The following CD101 variants were observed in gnomAD, a reference collection of about 807,000 sequenced individuals.
CD101 encodes the protein immunoglobulin superfamily member 2.
Under a neutral mutation model 98.2 loss-of-function variants are expected in CD101, and 76 were observed. That is an observed-to-expected ratio of 0.77 (90% CI 0.64 to 0.94). The LOEUF (loss-of-function observed/expected upper bound fraction) is 0.94, where lower values mean the gene tolerates loss of function less well. Ranked by LOEUF, CD101 falls within the 40% of genes least tolerant of loss-of-function variation. CD101 has a pLI of 0.00. For missense variants in CD101, 1,145 were observed against 1,218.8 expected, an observed-to-expected ratio of 0.94 and a Z score of 0.90; for synonymous variants, 471 against 472.7, an observed-to-expected ratio of 1.00 and a Z score of 0.05.
chr1:117,011,950 G>C lies in CD101; in HGVS notation c.825G>C (p.Leu275=), dbSNP rs1297257448. 7 of 1,612,160 alleles carry C rather than the reference G, an allele frequency of 4.3e-6. No homozygotes were observed. The Admixed American group carries it at 1.2e-4, about 27-fold the overall frequency. ...ITKKQTDQTT[L]RIQPAVKDFQ... ...AAAAGCAGACCGATCAAACCACTCT[G>C]AGGATCCAGCCAGCAGGTAATTATC... The change falls in exon 3 of 10, where the codon CTG becomes CTC. Residue 275 remains leucine (L), a synonymous_variant. Coordinates refer to ENST00000682167, the MANE Select transcript of CD101 (RefSeq NM_001256106.3).
intron 4 of CD101, 95 bp downstream of exon 4, chr1:117,013,887 G>A: frequency 1.5e-6 from 2 of 1,331,728 alleles, no homozygotes; most frequent in Non-Finnish European, 2.0e-6. Flanking sequence ...GGATCTTCAT[G>A]AAGAGCAGGT....
Position 117,008,807 on chromosome 1 carries a change from G to A in CD101, c.44-1043G>A, listed in dbSNP as rs73004123. ...GAGGCTCTGCTTCTTACTCATCTTC[G>A]TATGAACTCTGTTCGGTTAACTCCA... is the stretch of plus-strand genomic sequence containing the variant. On this transcript the variant is annotated intron_variant, in intron 1 of 9. Coordinates refer to ENST00000682167, the MANE Select transcript of CD101 (RefSeq NM_001256106.3). Among the ~76,000 whole-genome samples, 1,021 of 151,584 alleles carry A rather than the reference G, an allele frequency of 6.7e-3. 10 individuals are homozygous for A. Among genetic ancestry groups the A allele is most frequent in the African/African-American group, 0.024 (970 of 41,276 alleles).
intron 1 of CD101, 102 bp from the exon 2 acceptor site, chr1:117,009,748 C>A: frequency 7.9e-7 from 1 of 1,270,066 alleles, no homozygotes. Context: ...AACTTGCGAT[C>A]TCATTTACCA....
chr1:117,029,902 T>A (rs987779275), intron 8 of CD101, among the ~76,000 whole-genome samples: 5 of 152,214 alleles, frequency 3.3e-5, no homozygotes, highest in African/African-American at 7.2e-5. Flanking sequence ...TATTTCCTTA[T>A]CAGTGACTAA....
At position 117,010,904 on chromosome 1, in the gene CD101, T is replaced by C. The variant is rs1643907195; in HGVS notation, c.425-646T>C. On this transcript the variant is annotated intron_variant, in intron 2 of 9. Transcript: ENST00000682167. This position sits in a 1 kb window ranked among gnomAD's most constrained non-coding sequence, Gnocchi z 5.2. Reference sequence around the variant, plus strand: ...TGGTAATTGGCTATTTGTATGCCTCTTTCCCACCACATCCTCAGCTTCTAC... The same window carrying C: ...TGGTAATTGGCTATTTGTATGCCTCCTTCCCACCACATCCTCAGCTTCTAC... 6.6e-6 allele frequency among the ~76,000 whole-genome samples: 1 copy of C among 152,188 alleles called. No homozygotes were observed. The highest frequency in any genetic ancestry group is 2.4e-5 in the African/African-American group (1 of 41,454).
intron 8 of CD101, among the ~76,000 whole-genome samples, chr1:117,031,602 C>G (rs1654471852): frequency 6.6e-6 from 1 of 152,214 alleles, no homozygotes; most frequent in Non-Finnish European, 1.5e-5. Flanking sequence ...TGTTCTCTGT[C>G]TGTTCTCTTG....
At position 117,011,355 on chromosome 1, in the gene CD101, A is replaced by G. The variant is rs1046927148; in HGVS notation, c.425-195A>G. Among the ~76,000 whole-genome samples the G allele has an allele frequency of 5.3e-5, 8 of 152,210 alleles. No homozygotes were observed. The East Asian group carries it at 1.3e-3, about 26-fold the overall frequency. ...CATTGATGAGGCATTTACTTTGCCC[A>G]GTTCCGTAGACTGTACCTAGATGCC... is the stretch of plus-strand genomic sequence containing the variant. On this transcript the variant is annotated intron_variant, in intron 2 of 9. Transcript: ENST00000682167.
At chr1:117,014,954 T>C (rs1375727510) in intron 4 of CD101, among the ~76,000 whole-genome samples, 2 of 152,252 alleles carry the variant, frequency 1.3e-5, no homozygotes, top group Non-Finnish European at 2.9e-5. Context: ...GAGATAAGTT[T>C]CTGCTTTATG....
intron 8 of CD101, among the ~76,000 whole-genome samples, chr1:117,030,421 A>G (rs575143096): frequency 6.7e-6 from 1 of 149,788 alleles, no homozygotes; most frequent in Middle Eastern, 3.4e-3. Flanking sequence ...GAGAGAGAGA[A>G]AGAGACAGAG....
At chr1:117,002,963 C>T (rs901753049) in intron 1 of CD101, among the ~76,000 whole-genome samples, 1 of 152,140 alleles carries the variant, frequency 6.6e-6, no homozygotes, top group Non-Finnish European at 1.5e-5. Flanking sequence ...TTTAATCCTA[C>T]ATGTGGACCC....
chr1:117,017,259 T>C lies in CD101; in HGVS notation c.1398T>C (p.Asp466=), dbSNP rs1439648278. The change falls in exon 5 of 10, where the codon GAT becomes GAC. Residue 466 remains aspartate, a synonymous_variant. Coordinates refer to ENST00000682167, the MANE Select transcript of CD101 (RefSeq NM_001256106.3). ...QPEFVAGMGQ[D]GIVQLGASYG... is the part of the protein sequence containing the mutation. ...AGTTTGTGGCTGGCATGGGGCAGGATGGCATTGTGCAGCTGGGTGCCTCCT... is the reference window on the plus strand; with the variant it reads ...AGTTTGTGGCTGGCATGGGGCAGGACGGCATTGTGCAGCTGGGTGCCTCCT... The C allele has an allele frequency of 1.2e-6, 2 of 1,614,202 alleles. No individual in the cohort carries two copies. The highest frequency in any genetic ancestry group is 2.2e-5 in the South Asian group (2 of 91,088).
At position 117,036,161 on chromosome 1, in the gene CD101, T is replaced by G. The variant is rs903779979; in HGVS notation, c.*34-7T>G. 1.3e-5 allele frequency: 2 copies of G among 152,314 alleles called. No individual in the cohort carries two copies. Among genetic ancestry groups the G allele is most frequent in the African/African-American group, 4.8e-5 (2 of 41,450 alleles). The allele number at this position is 152,314 out of a possible 1,614,324, so 9.4% of individuals were successfully genotyped here. On this transcript the variant is annotated splice_region_variant and splice_polypyrimidine_tract_variant and intron_variant, in intron 9 of 9. Transcript: ENST00000682167. This position sits in a 1 kb window ranked among gnomAD's most constrained non-coding sequence, Gnocchi z 5.0. ...TAACCAACTTGAGCAATCAGCTTGT[T>G]TTACAGCTTCCTGCCTTGCTGCCTG...
intron 1 of CD101, among the ~76,000 whole-genome samples, chr1:117,003,619 A>G (rs972526303): frequency 6.6e-6 from 1 of 152,358 alleles, no homozygotes; most frequent in East Asian, 1.9e-4. Flanking sequence ...ACATTGTGCA[A>G]TAATTCATAG....
intron 8 of CD101, among the ~76,000 whole-genome samples, chr1:117,027,385 A>T (rs1654008149): frequency 6.6e-6 from 1 of 152,144 alleles, no homozygotes; most frequent in Admixed American, 6.5e-5. Context: ...GTCATCAAAG[A>T]AGTATTTCCA....
intron 5 of CD101, among the ~76,000 whole-genome samples, chr1:117,017,828 C>A (rs368795349): frequency 1.3e-5 from 2 of 152,084 alleles, no homozygotes; most frequent in Non-Finnish European, 2.9e-5. Flanking sequence ...ACTGAACCCA[C>A]GCATGGGGGT....
At position 117,011,654 on chromosome 1, in the gene CD101, C is replaced by A; in HGVS notation, c.529C>A (p.His177Asn). ...TGAGGCATCCAAAGCCACAGCCCAACATACTCACCTCTCTGTCACCTGGTA... is the reference window on the plus strand; with the variant it reads ...TGAGGCATCCAAAGCCACAGCCCAAAATACTCACCTCTCTGTCACCTGGTA... The part of the protein sequence containing the change: ...TCEASKATAQ[H>N]THLSVTWYLT... The change falls in exon 3 of 10, where the codon CAT becomes AAT. Residue 177 changes from histidine (H) to asparagine (N), a missense_variant. Transcript: ENST00000682167. 1 of 1,614,202 alleles carries A rather than the reference C, an allele frequency of 6.2e-7. No homozygotes were observed. Among genetic ancestry groups the A allele is most frequent in the Non-Finnish European group, 8.5e-7 (1 of 1,180,042 alleles).
At chr1:117,035,589 G>A (rs918250353) in intron 9 of CD101, among the ~76,000 whole-genome samples, 2 of 145,330 alleles carry the variant, frequency 1.4e-5, no homozygotes, top group Admixed American at 7.1e-5. Context: ...TCGCTCTGTC[G>A]CCCGGGCTGG....
rs1557765395 is a variant in CD101, at chr1:117,009,912, G to A, written c.106G>A (p.Gly36Ser). Residue 36 changes from glycine to serine, a missense_variant, in exon 2 of 10, where the codon GGT (glycine) becomes AGT (serine). Coordinates refer to ENST00000682167, the MANE Select transcript of CD101 (RefSeq NM_001256106.3). ...VQKGPLFRAEGYPVSIGCNVT... is the reference protein window; with the variant it reads ...VQKGPLFRAESYPVSIGCNVT... The stretch of plus-strand genomic sequence containing the variant: ...GAAAGGACCACTGTTTAGAGCTGAA[G>A]GTTACCCAGTCAGCATTGGCTGCAA... 6.2e-7 allele frequency: 1 copy of A among 1,613,958 alleles called. No homozygotes were observed. The highest frequency in any genetic ancestry group is 8.5e-7 in the Non-Finnish European group (1 of 1,179,988).
chr1:117,033,639 T>C lies in CD101; in HGVS notation c.2825-221T>C, dbSNP rs1334769034. 6.6e-6 allele frequency among the ~76,000 whole-genome samples: 1 copy of C among 152,110 alleles called. No homozygotes were observed. The highest frequency in any genetic ancestry group is 1.5e-5 in the Non-Finnish European group (1 of 68,030). On this transcript the variant is annotated intron_variant, in intron 8 of 9. Coordinates refer to ENST00000682167, the MANE Select transcript of CD101 (RefSeq NM_001256106.3). This position sits in a 1 kb window ranked among gnomAD's most constrained non-coding sequence, Gnocchi z 4.8. Reference sequence around the variant, plus strand: ...CATTGGAACCTCCAGTGGTTGGAAATCGCAGGGCAAGGGGCTGTTGCATTA... The same window carrying C: ...CATTGGAACCTCCAGTGGTTGGAAACCGCAGGGCAAGGGGCTGTTGCATTA...
Sources: gnomAD v4.1 joint callset for allele counts (sites outside exome capture counted in the v4.1 genomes callset) on GRCh38, gnomAD v4.1.1 for gene constraint, Gnocchi (gnomAD v3.1) non-coding constraint, MANE v1.5 for transcripts, NCBI Gene and HGNC (gene_info 2026-07-23, HGNC 2026-07-21) for gene names.